CYP2F1: variants seen among roughly 807,000 people sequenced by gnomAD.
The protein encoded by CYP2F1 is cytochrome P450 2F1.
CYP2F1 carries 33 observed loss-of-function variants against 40.4 expected under a neutral mutation model. The observed-to-expected ratio is 0.82, with a 90% CI of 0.62 to 1.09. The LOEUF (loss-of-function observed/expected upper bound fraction) is 1.09, where lower values mean the gene tolerates loss of function less well. Among genes scored for constraint, CYP2F1 ranks in the 50% least tolerant of loss-of-function variants. CYP2F1 has a pLI of 0.00. For synonymous variants in CYP2F1, 235 were observed against 277.2 expected, an observed-to-expected ratio of 0.85 and a Z score of 1.51; for missense variants, 566 against 655.7, an observed-to-expected ratio of 0.86 and a Z score of 1.49.
chr19:41,121,293 T>C (rs540058724), intron 4 of CYP2F1, among the ~76,000 whole-genome samples, 165 bp from the exon 5 acceptor site: 13 of 150,894 alleles, frequency 8.6e-5, no homozygotes, highest in African/African-American at 3.2e-4. Flanking sequence ...ACAGATGCTT[T>C]TGGGGTGTCG....
chr19:41,126,320 G>A (rs1420054508), intron 9 of CYP2F1, among the ~76,000 whole-genome samples: 1 of 152,022 alleles, frequency 6.6e-6, no homozygotes, highest in Non-Finnish European at 1.5e-5. Context: ...AGCTACTCTG[G>A]AGGCTGAGGC....
At chr19:41,122,480 A>G (rs2032274977) in intron 6 of CYP2F1, among the ~76,000 whole-genome samples, 1 of 152,032 alleles carries the variant, frequency 6.6e-6, no homozygotes, top group Non-Finnish European at 1.5e-5. Context: ...ACACATACGT[A>G]CACACATACA....
intron 3 of CYP2F1, among the ~76,000 whole-genome samples, chr19:41,117,192 A>T (rs999016873): frequency 1.3e-5 from 2 of 151,862 alleles, no homozygotes; most frequent in African/African-American, 2.4e-5. Flanking sequence ...GTGAAGTGGC[A>T]CAATCTCGGC....
chr19:41,116,577 C>G lies in CYP2F1; in HGVS notation c.294C>G (p.Arg98=). The G allele has an allele frequency of 6.2e-7, 1 of 1,613,996 alleles. No homozygotes were observed. The highest frequency in any genetic ancestry group is 8.5e-7 in the Non-Finnish European group (1 of 1,179,970). ...LVDQGEEFSG[R]GDYPAFFNFT... is the part of the protein sequence containing the mutation. ...ACCAGGGAGAGGAGTTTAGTGGCCG[C>G]GGTGACTACCCTGCCTTTTTCAACT... Residue 98 remains arginine, a synonymous_variant, in exon 3 of 10, where the codon CGC becomes CGG. Coordinates refer to ENST00000331105, the MANE Select transcript of CYP2F1 (RefSeq NM_000774.5).
chr19:41,116,318 C>T lies in CYP2F1; in HGVS notation c.130C>T (p.Leu44=). 1 of 1,614,146 alleles carries T rather than the reference C, an allele frequency of 6.2e-7. No individual in the cohort carries two copies. The highest frequency in any genetic ancestry group is 8.5e-7 in the Non-Finnish European group (1 of 1,180,014). The change falls in exon 2 of 10, where the codon CTG becomes TTG. Residue 44 remains leucine, a synonymous_variant. Coordinates refer to ENST00000331105, the MANE Select transcript of CYP2F1 (RefSeq NM_000774.5). ...PRPLSILGNL[L]LLCSQDMLTS... ...ACCCCTCTCAATCCTGGGAAACCTG[C>T]TGCTGCTTTGCTCCCAAGACATGCT...
rs2032609892 is a variant in CYP2F1, at chr19:41,127,949, T to G, written c.1343T>G (p.Leu448Arg). 1 of 1,613,324 alleles carries G rather than the reference T, an allele frequency of 6.2e-7. No homozygotes were observed. The highest frequency in any genetic ancestry group is 1.7e-5 in the Admixed American group (1 of 59,976). ...GESLARMELF[L>R]YLTAILQSFS... is the part of the protein sequence containing the mutation. Reference sequence around the variant, plus strand: ...TCGCTGGCGCGCATGGAGCTCTTTCTGTACCTCACCGCCATCCTGCAGAGC... The same window carrying G: ...TCGCTGGCGCGCATGGAGCTCTTTCGGTACCTCACCGCCATCCTGCAGAGC... The change falls in exon 10 of 10, where the codon CTG (leucine) becomes CGG (arginine). Residue 448 changes from leucine (L) to arginine (R), a missense_variant. Transcript: ENST00000331105.
chr19:41,121,177 C>T (rs571073556), intron 4 of CYP2F1, among the ~76,000 whole-genome samples: 91 of 152,046 alleles, frequency 6.0e-4, no homozygotes, highest in Non-Finnish European at 1.1e-3. Context: ...TGTGCTATGT[C>T]GCGTGCTGTG....
At chr19:41,124,255 C>CCTCCTTT (rs1568381420) in intron 7 of CYP2F1, among the ~76,000 whole-genome samples, 1 of 35,250 alleles carries the variant, frequency 2.8e-5, no homozygotes, top group African/African-American at 1.2e-4. Flanking sequence ...TCCCCCCCCC[C>CCTCCTTT]TTTTTTTTTT....
At position 41,124,681 on chromosome 19, in the gene CYP2F1, G is replaced by T. The variant is rs1017130343; in HGVS notation, c.965-38G>T. The T allele has an allele frequency of 3.2e-6, 5 of 1,582,000 alleles. No individual in the cohort carries two copies. The African/African-American group carries it at 6.7e-5, about 21-fold the overall frequency. The stretch of plus-strand genomic sequence containing the variant: ...TCAGCCTGGTTGCCCTGTCGCGCCC[G>T]CTGATACCCTCGACCCCGCTTCCCG... On this transcript the variant is annotated intron_variant, in intron 7 of 9. Transcript: ENST00000331105.
intron 7 of CYP2F1, among the ~76,000 whole-genome samples, chr19:41,124,453 T>A (rs986737110): frequency 6.6e-5 from 10 of 151,898 alleles, no homozygotes; most frequent in African/African-American, 1.9e-4. Context: ...GTTGTGGAGA[T>A]TGGGTTTCAC....
intron 3 of CYP2F1, among the ~76,000 whole-genome samples, chr19:41,116,899 C>T (rs888194209): frequency 7.2e-5 from 11 of 152,066 alleles, no homozygotes; most frequent in African/African-American, 1.9e-4. Flanking sequence ...CTATCCCAAC[C>T]GCATCATCAA....
At chr19:41,117,907 T>G (rs991595743) in intron 3 of CYP2F1, among the ~76,000 whole-genome samples, 1 of 152,096 alleles carries the variant, frequency 6.6e-6, no homozygotes, top group Non-Finnish European at 1.5e-5. Context: ...TGGAAAGCAA[T>G]GACGCAATCT....
intron 7 of CYP2F1, among the ~76,000 whole-genome samples, chr19:41,124,255 C>CCTT (rs1568381420): frequency 2.8e-5 from 1 of 35,250 alleles, no homozygotes; most frequent in African/African-American, 1.2e-4. Flanking sequence ...TCCCCCCCCC[C>CCTT]TTTTTTTTTT....
In CYP2F1 at chr19:41,124,739, G is replaced by A. The variant is rs775948155; in HGVS notation, c.985G>A (p.Asp329Asn). Reference protein sequence around the residue: ...KVQARVQEEIDLVVGRARLPA... With the variant: ...KVQARVQEEINLVVGRARLPA... Reference sequence around the variant, plus strand: ...TCCAGCCCGCGTGCAGGAGGAGATCGACCTCGTGGTGGGACGCGCGCGGCT... The same window carrying A: ...TCCAGCCCGCGTGCAGGAGGAGATCAACCTCGTGGTGGGACGCGCGCGGCT... The change falls in exon 8 of 10, where the codon GAC (aspartate) becomes AAC (asparagine). Residue 329 changes from aspartate to asparagine, a missense_variant. By Grantham distance (23) the Asp-to-Asn change is conservative. Around this residue, in one of 5 missense-constraint regions of CYP2F1, gnomAD observed 128 missense variants for 121.0 expected, o/e 1.06. Coordinates refer to ENST00000331105, the MANE Select transcript of CYP2F1 (RefSeq NM_000774.5). 2 of 1,603,990 alleles carry A rather than the reference G, an allele frequency of 1.2e-6. No individual in the cohort carries two copies. Among genetic ancestry groups the A allele is most frequent in the Non-Finnish European group, 8.5e-7 (1 of 1,179,332 alleles).
chr19:41,119,379 G>A (rs565270918), intron 3 of CYP2F1, among the ~76,000 whole-genome samples: 162 of 151,886 alleles, frequency 1.1e-3, no homozygotes, highest in African/African-American at 3.7e-3. Context: ...TTGGGAGGCC[G>A]AGGTGAGTGG....
intron 3 of CYP2F1, among the ~76,000 whole-genome samples, chr19:41,120,092 G>A (rs982759690): frequency 1.3e-5 from 2 of 152,050 alleles, no homozygotes; most frequent in African/African-American, 4.8e-5. Context: ...TCACCAGACA[G>A]TAACAGCCCA....
At chr19:41,121,298 G>A (rs2032183795) in intron 4 of CYP2F1, among the ~76,000 whole-genome samples, 160 bp from the exon 5 acceptor site, 1 of 150,648 alleles carries the variant, frequency 6.6e-6, no homozygotes, top group South Asian at 2.1e-4. Context: ...TGCTTTTGGG[G>A]TGTCGTTAAG....
chr19:41,124,664 G>T lies in CYP2F1; in HGVS notation c.965-55G>T. 7 of 1,510,878 alleles carry T rather than the reference G, an allele frequency of 4.6e-6. No individual in the cohort carries two copies. In the South Asian group the frequency reaches 7.2e-5, roughly 16 times the overall value. 93.6% of individuals were successfully genotyped at this position (1,510,878 alleles called of 1,614,324 possible). On this transcript the variant is annotated intron_variant, in intron 7 of 9. Transcript: ENST00000331105. The stretch of plus-strand genomic sequence containing the variant: ...CACGCACACACCTCTTATCAGCCTG[G>T]TTGCCCTGTCGCGCCCGCTGATACC...
At chr19:41,124,279 T>TA (rs2032417810) in intron 7 of CYP2F1, among the ~76,000 whole-genome samples, 1 of 125,604 alleles carries the variant, frequency 8.0e-6, no homozygotes, top group African/African-American at 3.0e-5. Flanking sequence ...TTTTTTTTTT[T>TA]TTGAGACGGA....
Sources: allele counts gnomAD v4.1 joint callset (sites outside exome capture counted in the v4.1 genomes callset), GRCh38; gene constraint gnomAD v4.1.1; regional missense constraint gnomAD v4.1.1; transcripts MANE v1.5; gene names NCBI Gene and HGNC (gene_info 2026-07-23, HGNC 2026-07-21).